Variants in DEUP1 observed in about 807,000 individuals in gnomAD.
DEUP1 encodes the protein deuterosome assembly protein 1, also known as coiled-coil domain containing 67.
In DEUP1, 82 loss-of-function variants were observed where a neutral mutation model predicts 87.4. That is an observed-to-expected ratio of 0.94 (90% CI 0.78 to 1.13). The LOEUF is 1.13. Ranked by LOEUF, DEUP1 falls within the 50% of genes most tolerant of loss-of-function variation. The pLI, the probability that DEUP1 is intolerant of heterozygous loss-of-function variation, is 0.00. For synonymous variants in DEUP1, 214 were observed against 222.7 expected, an observed-to-expected ratio of 0.96 and a Z score of 0.35; for missense variants, 663 against 681.5, an observed-to-expected ratio of 0.97 and a Z score of 0.30.
intron 5 of DEUP1, among the ~76,000 whole-genome samples, chr11:93,365,313 A>G (rs1158946161): frequency 6.6e-6 from 1 of 152,106 alleles, no homozygotes; most frequent in East Asian, 1.9e-4. Context: ...CATGCTTCTG[A>G]ATAATACATA....
intron 2 of DEUP1, among the ~76,000 whole-genome samples, chr11:93,345,268 A>G (rs973704592): frequency 3.3e-5 from 5 of 152,166 alleles, no homozygotes; most frequent in African/African-American, 1.2e-4. Context: ...CTGATGGGCA[A>G]TTAGGTTGAT....
intron 13 of DEUP1, among the ~76,000 whole-genome samples, chr11:93,436,297 T>TA (rs1399054804): frequency 6.6e-6 from 1 of 152,204 alleles, no homozygotes; most frequent in Non-Finnish European, 1.5e-5. Flanking sequence ...TTCCATGTGA[T>TA]AGTCTTTGGA....
intron 12 of DEUP1, among the ~76,000 whole-genome samples, chr11:93,413,712 GTTA>G (rs1367239821): frequency 2.0e-5 from 3 of 152,114 alleles, no homozygotes. Flanking sequence ...AAATCTCAAT[GTTA>G]TTGTTTTCAG....
rs1370911607 is a variant in DEUP1, at chr11:93,385,532, A to T, written c.924A>T (p.Gly308=). 1 of 1,602,486 alleles carries T rather than the reference A, an allele frequency of 6.2e-7. No individual in the cohort carries two copies. Among genetic ancestry groups the T allele is most frequent in the African/African-American group, 1.3e-5 (1 of 74,386 alleles). The change falls in exon 8 of 14, where the codon GGA becomes GGT. Residue 308 remains glycine, a synonymous_variant. Transcript: ENST00000298050. ...TAGGAGAGTGCCAAAATGCTCAAGG[A>T]AATAAAACAAGGTATAATCTTTATA... is the stretch of plus-strand genomic sequence containing the variant. ...LKIGECQNAQ[G]NKTRLESSYL...
rs189373626 is a variant in DEUP1, at chr11:93,430,822, G to A, written c.1639-6721G>A. Among the ~76,000 whole-genome samples the A allele has an allele frequency of 1.3e-3, 204 of 152,200 alleles. 1 individual carries two copies. The highest frequency in any genetic ancestry group is 4.1e-3 in the Admixed American group (62 of 15,292). On this transcript the variant is annotated intron_variant, in intron 13 of 13. Coordinates refer to ENST00000298050, the MANE Select transcript of DEUP1 (RefSeq NM_181645.4). ...AAATAAGAAAATATCAAGGCCAGGCGCTGTGGCTCATGCCTATAATCCCAG... is the reference window on the plus strand; with the variant it reads ...AAATAAGAAAATATCAAGGCCAGGCACTGTGGCTCATGCCTATAATCCCAG...
intron 13 of DEUP1, among the ~76,000 whole-genome samples, chr11:93,432,535 G>T (rs1044918924): frequency 2.0e-5 from 3 of 152,168 alleles, no homozygotes; most frequent in Non-Finnish European, 2.9e-5. Flanking sequence ...CAACCTGTTG[G>T]CTCCAGCATT....
At chr11:93,348,648 C>T (rs1591102374) in intron 2 of DEUP1, among the ~76,000 whole-genome samples, 1 of 152,268 alleles carries the variant, frequency 6.6e-6, no homozygotes, top group East Asian at 1.9e-4. Flanking sequence ...CGGTTTTGAG[C>T]GAATTTATTA....
chr11:93,354,672 G>T (rs1378846751), intron 2 of DEUP1, among the ~76,000 whole-genome samples: 2 of 152,140 alleles, frequency 1.3e-5, no homozygotes, highest in Non-Finnish European at 1.5e-5. Flanking sequence ...TGAGGAAGAA[G>T]CAAAAGTGGA....
At chr11:93,370,616 T>C (rs1945667479) in intron 6 of DEUP1, among the ~76,000 whole-genome samples, 3 of 152,226 alleles carry the variant, frequency 2.0e-5, no homozygotes, top group Non-Finnish European at 4.4e-5. Flanking sequence ...TTCTTATTGA[T>C]GTGTAGAAGT....
At chr11:93,358,293 T>A (rs951398901) in intron 4 of DEUP1, among the ~76,000 whole-genome samples, 2 of 152,228 alleles carry the variant, frequency 1.3e-5, no homozygotes, top group Non-Finnish European at 2.9e-5. Flanking sequence ...TCCTTGCCAT[T>A]TGATGCTTTG....
chr11:93,363,527 CAG>C (rs377211258), intron 4 of DEUP1, among the ~76,000 whole-genome samples: 26 of 151,868 alleles, frequency 1.7e-4, no homozygotes, highest in African/African-American at 6.0e-4. Context: ...CATTTGAAAA[CAG>C]ATACATGAGT....
chr11:93,427,012 G>GAAAAAAAAAAAAAAAAAAAAA (rs1215051153), intron 13 of DEUP1, among the ~76,000 whole-genome samples: 1 of 11,844 alleles, frequency 8.4e-5, no homozygotes, highest in Non-Finnish European at 1.3e-4. Flanking sequence ...AAAAAAAAAA[G>GAAAAAAAAAAAAAAAAAAAAA]AAAAAAAAAA....
intron 7 of DEUP1, among the ~76,000 whole-genome samples, chr11:93,377,662 T>C (rs938922843): frequency 6.6e-6 from 1 of 152,182 alleles, no homozygotes; most frequent in Non-Finnish European, 1.5e-5. Context: ...TCATGCTAGT[T>C]GTTGCCTGAA....
chr11:93,351,643 G>C (rs913751731), intron 2 of DEUP1, among the ~76,000 whole-genome samples: 1 of 152,114 alleles, frequency 6.6e-6, no homozygotes, highest in East Asian at 1.9e-4. Context: ...ATTCAATCAA[G>C]TTATTTATAG....
chr11:93,398,721 ATTTT>A (rs34737091), intron 11 of DEUP1, among the ~76,000 whole-genome samples: 3 of 138,044 alleles, frequency 2.2e-5, no homozygotes, highest in African/African-American at 2.7e-5. Context: ...TTCATGTCAA[ATTTT>A]TTTTTTTTTT....
chr11:93,349,114 C>T (rs1426999950), intron 2 of DEUP1, among the ~76,000 whole-genome samples: 1 of 152,106 alleles, frequency 6.6e-6, no homozygotes, highest in Non-Finnish European at 1.5e-5. Flanking sequence ...TTTATTCTGC[C>T]TGCCTGCCTT....
chr11:93,402,476 T>C (rs1947147739), intron 11 of DEUP1, among the ~76,000 whole-genome samples: 1 of 151,932 alleles, frequency 6.6e-6, no homozygotes, highest in South Asian at 2.1e-4. Context: ...AAACTAAAAC[T>C]ATGATATGGT....
intron 13 of DEUP1, among the ~76,000 whole-genome samples, chr11:93,418,344 A>C (rs12365897): frequency 0.3 from 45,524 of 151,196 alleles, 8,112 homozygotes; most frequent in Non-Finnish European, 0.42. Context: ...AGAAAAAAAC[A>C]AACAACCCCA....
intron 4 of DEUP1, among the ~76,000 whole-genome samples, chr11:93,363,188 A>C (rs1945257611): frequency 6.6e-6 from 1 of 151,906 alleles, no homozygotes; most frequent in Non-Finnish European, 1.5e-5. Context: ...GATGGAAAAC[A>C]AATTAGTGGT....
Sources: allele counts gnomAD v4.1 joint callset (sites outside exome capture counted in the v4.1 genomes callset), GRCh38; gene constraint gnomAD v4.1.1; transcripts MANE v1.5; gene names NCBI Gene and HGNC (gene_info 2026-07-23, HGNC 2026-07-21).